The following CNPY1 variants were observed in gnomAD, a reference collection of about 807,000 sequenced individuals.
CNPY1 encodes protein canopy homolog 1.
CNPY1 carries 14 observed loss-of-function variants against 14.4 expected under a neutral mutation model. The ratio of observed to expected loss-of-function variants is 0.97; its 90% CI spans 0.64 to 1.52. The LOEUF is 1.52. Among genes scored for constraint, CNPY1 ranks in the 40% most tolerant of loss-of-function variants. CNPY1 has a pLI of 0.00. For missense variants in CNPY1, 129 were observed against 131.5 expected, an observed-to-expected ratio of 0.98 and a Z score of 0.09; for synonymous variants, 43 against 46.5, an observed-to-expected ratio of 0.92 and a Z score of 0.31.
chr7:155,506,268 T>C (rs1473158820), intron 4 of CNPY1, among the ~76,000 whole-genome samples: 4 of 152,198 alleles, frequency 2.6e-5, no homozygotes, highest in Admixed American at 2.0e-4. Flanking sequence ...CCCAAAGATA[T>C]CCAAAAGAAT....
intron 2 of CNPY1, chr7:155,518,445 C>T (rs1382683033): frequency 6.6e-6 from 1 of 152,276 alleles, no homozygotes; most frequent in Non-Finnish European, 1.5e-5. Flanking sequence ...TTGGGATGAG[C>T]TGAAGAAGAT....
intron 4 of CNPY1, among the ~76,000 whole-genome samples, chr7:155,503,670 TCTTTTA>T (rs1365404454): frequency 1.3e-5 from 2 of 152,152 alleles, no homozygotes; most frequent in African/African-American, 4.8e-5. Context: ...AAGGGAAAAA[TCTTTTA>T]CTTTAAATGT....
In CNPY1 at chr7:155,534,430, T is replaced by C. The variant is rs554809292; in HGVS notation, c.99+11401A>G. ...ACACGTGCACAGACAAATGCACATG[T>C]GCACTTGCATGTGCACACACAGACA... On this transcript the variant is annotated intron_variant, in intron 2 of 4. Coordinates refer to ENST00000636446, the MANE Select transcript of CNPY1 (RefSeq NM_001393663.1). 2.3e-4 allele frequency among the ~76,000 whole-genome samples: 35 copies of C among 152,302 alleles called. No homozygotes were observed. The South Asian group carries it at 7.0e-3, about 31-fold the overall frequency.
chr7:155,543,136 C>A (rs1797107082), intron 2 of CNPY1, among the ~76,000 whole-genome samples: 1 of 152,184 alleles, frequency 6.6e-6, no homozygotes, highest in South Asian at 2.1e-4. Flanking sequence ...TTCTTTCCAG[C>A]CTGACTGAGG....
intron 2 of CNPY1, among the ~76,000 whole-genome samples, chr7:155,524,459 T>G (rs1057118371): frequency 6.6e-6 from 1 of 152,178 alleles, no homozygotes; most frequent in African/African-American, 2.4e-5. Flanking sequence ...TCCCCATTGT[T>G]CACATTACTG....
rs535482078 is a variant in CNPY1, at chr7:155,507,151, C to A, written c.304-35G>T. On this transcript the variant is annotated intron_variant, in intron 3 of 4. Coordinates refer to ENST00000636446, the MANE Select transcript of CNPY1 (RefSeq NM_001393663.1). ...CATAATAACAACATATGTGGATAGA[C>A]GCACACTGGCGGGGCACTTTGTTAG... 12 of 1,311,184 alleles carry A rather than the reference C, an allele frequency of 9.2e-6. No individual in the cohort carries two copies. In the South Asian group the frequency reaches 1.4e-4, roughly 15 times the overall value. The allele number at this position is 1,311,184 out of a possible 1,614,324, so 81.2% of individuals were successfully genotyped here.
intron 4 of CNPY1, among the ~76,000 whole-genome samples, chr7:155,504,727 C>G (rs1322081620): frequency 2.1e-5 from 3 of 144,254 alleles, no homozygotes; most frequent in Admixed American, 1.4e-4. Flanking sequence ...CACACACACA[C>G]AGTCACATCT....
intron 4 of CNPY1, among the ~76,000 whole-genome samples, chr7:155,505,701 C>T (rs1796282521): frequency 6.6e-6 from 1 of 152,222 alleles, no homozygotes; most frequent in South Asian, 2.1e-4. Context: ...ATTAATATTT[C>T]AAATATTGTT....
intron 2 of CNPY1, among the ~76,000 whole-genome samples, chr7:155,528,820 G>A (rs572505299): frequency 2.0e-5 from 3 of 152,302 alleles, no homozygotes; most frequent in Non-Finnish European, 4.4e-5. Flanking sequence ...CAGCACTTTG[G>A]GAGGCCAAGG....
At chr7:155,524,823 C>T (rs1796790971) in intron 2 of CNPY1, among the ~76,000 whole-genome samples, 1 of 128,210 alleles carries the variant, frequency 7.8e-6, no homozygotes, top group Non-Finnish European at 1.6e-5. Context: ...TCCATGAAAC[C>T]GATCCCTGGT....
intron 2 of CNPY1, among the ~76,000 whole-genome samples, chr7:155,543,950 G>A (rs1013490561): frequency 5.3e-5 from 8 of 152,158 alleles, no homozygotes; most frequent in Middle Eastern, 3.2e-3. Context: ...TGGCAAAATC[G>A]GAAAAGCTAT....
intron 2 of CNPY1, among the ~76,000 whole-genome samples, chr7:155,537,754 C>A (rs1405674113): frequency 1.3e-5 from 2 of 152,054 alleles, no homozygotes. Context: ...GAAACAAAAT[C>A]ACGTGTCTGT....
At chr7:155,503,541 G>A (rs575578054) in intron 4 of CNPY1, among the ~76,000 whole-genome samples, 3 of 151,718 alleles carry the variant, frequency 2.0e-5, no homozygotes, top group African/African-American at 4.8e-5. Flanking sequence ...AAACTCTATC[G>A]AAAAAGGCTA....
chr7:155,533,263 C>G (rs1035036653), intron 2 of CNPY1, among the ~76,000 whole-genome samples: 1 of 152,230 alleles, frequency 6.6e-6, no homozygotes, highest in African/African-American at 2.4e-5. Context: ...CCAGGCACCT[C>G]TCGTTCGGGG....
chr7:155,525,641 C>T (rs897697504), intron 2 of CNPY1, among the ~76,000 whole-genome samples: 1 of 152,230 alleles, frequency 6.6e-6, no homozygotes, highest in African/African-American at 2.4e-5. Flanking sequence ...CCACACCCAA[C>T]AGGGCTTAGT....
chr7:155,508,070 G>A (rs998788709), intron 3 of CNPY1, among the ~76,000 whole-genome samples: 7 of 151,916 alleles, frequency 4.6e-5, no homozygotes, highest in African/African-American at 1.2e-4. Context: ...TTTAAAAATC[G>A]GCTAAAGCCC....
chr7:155,521,054 A>AGAAGGAAGGAAG (rs58757238), intron 2 of CNPY1, among the ~76,000 whole-genome samples: 1 of 148,466 alleles, frequency 6.7e-6, no homozygotes, highest in South Asian at 2.1e-4. Context: ...AAAAAAAGAA[A>AGAAGGAAGGAAG]GAAGGAAGGA....
At chr7:155,520,090 T>C (rs915733008) in intron 2 of CNPY1, among the ~76,000 whole-genome samples, 1 of 152,212 alleles carries the variant, frequency 6.6e-6, no homozygotes, top group African/African-American at 2.4e-5. Context: ...AGGTATACAT[T>C]CCCGTATGCT....
chr7:155,502,004 G>GGA lies in CNPY1; in HGVS notation c.*1063_*1064insTC, dbSNP rs1554446754. 2 of 46,240 alleles carry GGA rather than the reference G, an allele frequency of 4.3e-5. No homozygotes were observed. The highest frequency in any genetic ancestry group is 1.0e-4 in the Non-Finnish European group (2 of 19,492). The allele number at this position is 46,240 out of a possible 1,614,324, so 2.9% of individuals were successfully genotyped here. ...CAAAGAGTTTTGGGTCGGGGGGGTT[G>GGA]GGGGGGGGATTTGTAGCATCCTACC... is the stretch of plus-strand genomic sequence containing the variant. On this transcript the variant is annotated 3_prime_UTR_variant, in exon 5 of 5. Transcript: ENST00000636446.
Sources: allele counts gnomAD v4.1 joint callset (sites outside exome capture counted in the v4.1 genomes callset), GRCh38; gene constraint gnomAD v4.1.1; transcripts MANE v1.5; gene names NCBI Gene and HGNC (gene_info 2026-07-23, HGNC 2026-07-21).